Variants in LAMA2 observed in about 807,000 individuals in gnomAD.
LAMA2 encodes laminin subunit alpha-2.
In LAMA2, 269 loss-of-function variants were observed where a neutral mutation model predicts 364.8. The observed-to-expected ratio is 0.74, with a 90% confidence interval of 0.67 to 0.82. LAMA2 has a LOEUF of 0.82. Ranked by LOEUF, LAMA2 falls within the 40% of genes least tolerant of loss-of-function variation. The pLI, the probability that LAMA2 is intolerant of heterozygous loss-of-function variation, is 0.00. For missense variants in LAMA2, 3,807 were observed against 3,873.2 expected, an observed-to-expected ratio of 0.98 and a Z score of 0.45; for synonymous variants, 1,379 against 1,370.6, an observed-to-expected ratio of 1.01 and a Z score of -0.14.
At chr6:129,452,893 A>C in intron 45 of LAMA2, 95 bp from the exon 46 acceptor site, 1 of 1,104,164 alleles carries the variant, frequency 9.1e-7, no homozygotes, top group African/African-American at 1.5e-5. Context: ...ATAACTTCAA[A>C]GAAGAAACGA....
At chr6:129,094,159 A>G (rs1382829553) in intron 3 of LAMA2, among the ~76,000 whole-genome samples, 1 of 152,234 alleles carries the variant, frequency 6.6e-6, no homozygotes. Context: ...TACTCTCTGA[A>G]GCCTGCTAAG....
chr6:129,224,862 A>G (rs1031886726), intron 12 of LAMA2, among the ~76,000 whole-genome samples: 15 of 152,332 alleles, frequency 9.8e-5, no homozygotes, highest in Admixed American at 3.3e-4. Context: ...TGAGTTAGAG[A>G]GGATTCCCTC....
At chr6:129,347,093 C>T (rs566599376) in intron 30 of LAMA2, among the ~76,000 whole-genome samples, 1 of 152,252 alleles carries the variant, frequency 6.6e-6, no homozygotes, top group East Asian at 1.9e-4. Flanking sequence ...GAATATCTAA[C>T]TCTCCTGAGG....
chr6:129,430,992 T>C (rs1462296226), intron 41 of LAMA2, among the ~76,000 whole-genome samples: 1 of 152,216 alleles, frequency 6.6e-6, no homozygotes, highest in Non-Finnish European at 1.5e-5. Flanking sequence ...TTTAAAATTA[T>C]ACATCTTACC....
At chr6:129,234,492 T>C (rs537815075) in intron 12 of LAMA2, among the ~76,000 whole-genome samples, 2 of 152,268 alleles carry the variant, frequency 1.3e-5, no homozygotes, top group East Asian at 3.9e-4. Context: ...GAAAAAAGAA[T>C]TATTAGTGAT....
At chr6:129,235,820 G>A (rs265365) in intron 12 of LAMA2, among the ~76,000 whole-genome samples, 142,366 of 152,152 alleles carry the variant, frequency 0.94, 66,903 homozygotes, top group Non-Finnish European at 0.97. Context: ...TCCTCTTTTG[G>A]GTTAAAAAGG....
At chr6:128,975,687 G>A (rs886878411) in intron 1 of LAMA2, among the ~76,000 whole-genome samples, 3 of 152,146 alleles carry the variant, frequency 2.0e-5, no homozygotes, top group Admixed American at 6.5e-5. Flanking sequence ...AGTCTCACGA[G>A]ATCTGATGAT....
intron 1 of LAMA2, among the ~76,000 whole-genome samples, chr6:128,977,531 G>A (rs1196634516): frequency 6.6e-6 from 1 of 151,708 alleles, no homozygotes; most frequent in African/African-American, 2.4e-5. Flanking sequence ...CAAAGTGCTG[G>A]GATTACAGAC....
At chr6:128,889,022 A>C (rs1190743996) in intron 1 of LAMA2, among the ~76,000 whole-genome samples, 1 of 152,172 alleles carries the variant, frequency 6.6e-6, no homozygotes, top group Non-Finnish European at 1.5e-5. Context: ...TGTCTTTGTA[A>C]CACTCTTTTC....
At chr6:129,403,396 C>T (rs1180055144) in intron 39 of LAMA2, among the ~76,000 whole-genome samples, 1 of 152,126 alleles carries the variant, frequency 6.6e-6, no homozygotes, top group Non-Finnish European at 1.5e-5. Flanking sequence ...TGAAACAGGC[C>T]ATTTAACCTT....
chr6:128,982,789 G>A (rs2114642204), intron 1 of LAMA2, among the ~76,000 whole-genome samples: 1 of 124,994 alleles, frequency 8.0e-6, no homozygotes, highest in East Asian at 2.4e-4. Context: ...AGTCCCCAGA[G>A]TGTGATGTTC....
chr6:128,887,805 G>A (rs1044929065), intron 1 of LAMA2, among the ~76,000 whole-genome samples: 2 of 152,142 alleles, frequency 1.3e-5, no homozygotes, highest in African/African-American at 4.8e-5. Flanking sequence ...TGGAGGCAGA[G>A]GTTGCAGTGA....
chr6:128,890,680 T>A (rs1367174639), intron 1 of LAMA2, among the ~76,000 whole-genome samples: 2 of 152,162 alleles, frequency 1.3e-5, no homozygotes, highest in African/African-American at 4.8e-5. Flanking sequence ...CTTTGATTAC[T>A]GGACACTAGG....
At chr6:128,885,090 A>G (rs1179929236) in intron 1 of LAMA2, among the ~76,000 whole-genome samples, 1 of 152,200 alleles carries the variant, frequency 6.6e-6, no homozygotes, top group East Asian at 1.9e-4. Context: ...TACCACTTAA[A>G]TGCTACATAC....
chr6:129,117,398 G>T (rs1044263085), intron 4 of LAMA2, among the ~76,000 whole-genome samples: 39 of 152,128 alleles, frequency 2.6e-4, no homozygotes, highest in African/African-American at 8.7e-4. Flanking sequence ...TGTGCTTTTG[G>T]GATAGTCTAA....
At chr6:129,336,651 T>A (rs1190254942) in intron 29 of LAMA2, among the ~76,000 whole-genome samples, 1 of 152,264 alleles carries the variant, frequency 6.6e-6, no homozygotes, top group African/African-American at 2.4e-5. Flanking sequence ...ATATCCATGT[T>A]TCAAATGCTG....
chr6:129,366,906 G>C lies in LAMA2; in HGVS notation c.4860+545G>C, dbSNP rs566070142. 3.9e-5 allele frequency among the ~76,000 whole-genome samples: 6 copies of C among 152,316 alleles called. No individual in the cohort carries two copies. In the South Asian group the frequency reaches 8.3e-4, roughly 21 times the overall value. ...AATGAATGTGAGCATCACTTGACAAGTTTATGTGACTAACGTGCTCAGTCT... is the reference window on the plus strand; with the variant it reads ...AATGAATGTGAGCATCACTTGACAACTTTATGTGACTAACGTGCTCAGTCT... On this transcript the variant is annotated intron_variant, in intron 33 of 64. Coordinates refer to ENST00000421865, the MANE Select transcript of LAMA2 (RefSeq NM_000426.4).
rs544271722 is a variant in LAMA2, at chr6:129,066,038, G to GTTTTTTTT, written c.396+6160_396+6167dup. Among the ~76,000 whole-genome samples, 76 of 37,092 alleles carry GTTTTTTTT rather than the reference G, an allele frequency of 2.0e-3. 6 individuals are homozygous for GTTTTTTTT. Among genetic ancestry groups the GTTTTTTTT allele is most frequent in the African/African-American group, 6.3e-3 (74 of 11,682 alleles). The allele number at this position is 37,092 out of a possible 152,430, so 24.3% of individuals were successfully genotyped here. A position where few individuals can be genotyped will look rare whatever the true frequency, so the allele number is the denominator to read the frequency against. On this transcript the variant is annotated intron_variant, in intron 3 of 64. Transcript: ENST00000421865. ...TCTTTTGTAAATTGCCCAGTCTCAG[G>GTTTTTTTT]TTTTTTTTTTTTTTTTTTTTTTTTT...
At chr6:129,181,716 T>C (rs573924540) in intron 10 of LAMA2, among the ~76,000 whole-genome samples, 1 of 151,684 alleles carries the variant, frequency 6.6e-6, no homozygotes, top group Non-Finnish European at 1.5e-5. Context: ...AATTGTAAAA[T>C]TGAACAGAAG....
Sources: gnomAD v4.1 joint callset for allele counts (sites outside exome capture counted in the v4.1 genomes callset) on GRCh38, gnomAD v4.1.1 for gene constraint, MANE v1.5 for transcripts, NCBI Gene and HGNC (gene_info 2026-07-23, HGNC 2026-07-21) for gene names.